The following CCNB2 variants were observed in gnomAD, a reference collection of about 807,000 sequenced individuals.
The protein encoded by CCNB2 is cyclin B2.
Under a neutral mutation model 51.1 loss-of-function variants are expected in CCNB2, and 39 were observed. That is an observed-to-expected ratio of 0.76 (90% confidence interval 0.59 to 1.00). The LOEUF is 1.00. CCNB2 is among the 50% of genes least tolerant of loss of function. The pLI is 0.00. For synonymous variants in CCNB2, 174 were observed against 165.5 expected, an observed-to-expected ratio of 1.05 and a Z score of -0.40; for missense variants, 472 against 470.3, an observed-to-expected ratio of 1.00 and a Z score of -0.03.
chr15:59,107,723 C>T (rs149018412), intron 3 of CCNB2, 53 bp downstream of exon 3: 3 of 1,393,158 alleles, frequency 2.2e-6, no homozygotes, highest in African/African-American at 2.8e-5. Flanking sequence ...TGTTTTTAGC[C>T]AGACTACAAG....
At chr15:59,118,433 A>G (rs912946362) in intron 7 of CCNB2, among the ~76,000 whole-genome samples, 5 of 152,226 alleles carry the variant, frequency 3.3e-5, no homozygotes, top group South Asian at 2.1e-4. Flanking sequence ...CAGTAATCCC[A>G]GCACTTTGGG....
rs1162917277 is a variant in CCNB2, at chr15:59,122,241, C to CTTTTTTTTTTTTTTTTTTT, written c.976-1269_976-1251dup. ...TCTTAAATAAAGTCAGTTGACATATCTTTTTTTTTTTTTTTTTTTTTTTTT... is the reference window on the plus strand; with the variant it reads ...TCTTAAATAAAGTCAGTTGACATATCTTTTTTTTTTTTTTTTTTTTTTTTTTTTTTTTTTTTTTTTTTTT... On this transcript the variant is annotated intron_variant, in intron 7 of 8. Coordinates refer to ENST00000288207, the MANE Select transcript of CCNB2 (RefSeq NM_004701.4). 2.2e-4 allele frequency among the ~76,000 whole-genome samples: 16 copies of CTTTTTTTTTTTTTTTTTTT among 72,992 alleles called. 4 individuals are homozygous for CTTTTTTTTTTTTTTTTTTT. The highest frequency in any genetic ancestry group is 5.4e-4 in the East Asian group (1 of 1,864). The allele number at this position is 72,992 out of a possible 152,430, so 47.9% of individuals were successfully genotyped here. A position where few individuals can be genotyped will look rare whatever the true frequency, so the allele number is the denominator to read the frequency against.
chr15:59,124,027 G>C (rs2079314731), intron 8 of CCNB2: 1 of 172,100 alleles, frequency 5.8e-6, no homozygotes, highest in Non-Finnish European at 1.3e-5. Flanking sequence ...TGCGTATTCA[G>C]GTGATGTTAC....
chr15:59,123,689 TGGGC>T, intron 8 of CCNB2, 62 bp downstream of exon 8: 1 of 458,328 alleles, frequency 2.2e-6, no homozygotes, highest in Non-Finnish European at 3.8e-6. Context: ...GTGTGTATGT[TGGGC>T]GGGGGGGGGC....
rs777444620 is a variant in CCNB2 at position 59,124,914 on chromosome 15, C to A, written c.*37C>A. 2 of 1,277,188 alleles carry A rather than the reference C, an allele frequency of 1.6e-6. No individual in the cohort carries two copies. The highest frequency in any genetic ancestry group is 2.2e-6 in the Non-Finnish European group (2 of 923,510). 79.1% of individuals were successfully genotyped at this position (1,277,188 alleles called of 1,614,324 possible). ...CCCTGGGGATGTGTGCTTCATTGTG[C>A]CCTTTTTCTTATTGGTTTAGAACTC... On this transcript the variant is annotated 3_prime_UTR_variant, in exon 9 of 9. Coordinates refer to ENST00000288207, the MANE Select transcript of CCNB2 (RefSeq NM_004701.4).
chr15:59,114,760 A>G lies in CCNB2; in HGVS notation c.481A>G (p.Ile161Val), dbSNP rs148986291. The G allele has an allele frequency of 1.6e-4, 256 of 1,613,994 alleles. No individual in the cohort carries two copies. Among genetic ancestry groups the G allele is most frequent in the Non-Finnish European group, 1.9e-4 (223 of 1,179,960 alleles). The change falls in exon 5 of 9, where the codon ATA becomes GTA. Residue 161 changes from isoleucine to valine, a missense_variant. Coordinates refer to ENST00000288207, the MANE Select transcript of CCNB2 (RefSeq NM_004701.4). ...CCCACATTTCTTAGATGGAAGAGAT[A>G]TAAATGGACGCATGCGTGCCATCCT... ...INPHFLDGRDINGRMRAILVD... is the reference protein window; with the variant it reads ...INPHFLDGRDVNGRMRAILVD...
chr15:59,115,149 T>C (rs1220243512), intron 5 of CCNB2, among the ~76,000 whole-genome samples: 2 of 152,158 alleles, frequency 1.3e-5, no homozygotes, highest in South Asian at 2.1e-4. Context: ...AGAGGAAATA[T>C]ACCATCAGTT....
In CCNB2 at chr15:59,116,674, A is replaced by C. The variant is rs146994389; in HGVS notation, c.598-16A>C. On this transcript the variant is annotated splice_polypyrimidine_tract_variant and intron_variant, in intron 5 of 8. Transcript: ENST00000288207. The stretch of plus-strand genomic sequence containing the variant: ...TCTTGTTAGGTGTGACTTTTGTTAC[A>C]TTAATTTTCCATTAGGTTCAGCCAG... 6.3e-7 allele frequency: 1 copy of C among 1,575,788 alleles called. No homozygotes were observed. The highest frequency in any genetic ancestry group is 8.7e-7 in the Non-Finnish European group (1 of 1,148,498).
intron 8 of CCNB2, 191 bp from the exon 9 acceptor site, chr15:59,124,576 T>C: frequency 1.2e-5 from 7 of 586,068 alleles, no homozygotes; most frequent in South Asian, 1.2e-4. Flanking sequence ...TGTGTTTTAT[T>C]CATTAATGGG....
Position 59,117,315 on chromosome 15 carries a change from GT to G in CCNB2, c.923del (p.Val308GlufsTer13), listed in dbSNP as rs2079283292. 6.2e-7 allele frequency: 1 copy of G among 1,613,958 alleles called. No homozygotes were observed. The highest frequency in any genetic ancestry group is 2.2e-5 in the East Asian group (1 of 44,886). Reference sequence around the variant, plus strand: ...TATGGTGCATTATCATCCTTCTAAGGTAGCAGCAGCTGCTTCCTGCTTGTCT... The same window carrying G: ...TATGGTGCATTATCATCCTTCTAAGGAGCAGCAGCTGCTTCCTGCTTGTCT... ...YDMVHYHPSK[V>X]AAAASCLSQK... On this transcript the variant is annotated frameshift_variant, in exon 7 of 9. Transcript: ENST00000288207. LOFTEE classifies it high-confidence loss of function.
At chr15:59,107,118 G>C (rs1164667134) in intron 1 of CCNB2, among the ~76,000 whole-genome samples, 1 of 152,168 alleles carries the variant, frequency 6.6e-6, no homozygotes, top group Non-Finnish European at 1.5e-5. Context: ...TACGGATAAA[G>C]TAGATGGGTG....
At chr15:59,110,638 A>G (rs1314017692) in intron 3 of CCNB2, among the ~76,000 whole-genome samples, 1 of 152,226 alleles carries the variant, frequency 6.6e-6, no homozygotes. Flanking sequence ...TGTCCATGAT[A>G]GGAGATGTTC....
chr15:59,113,205 C>T (rs2079265099), intron 3 of CCNB2, among the ~76,000 whole-genome samples: 1 of 152,116 alleles, frequency 6.6e-6, no homozygotes, highest in Non-Finnish European at 1.5e-5. Context: ...CTCCCTTCTC[C>T]TATTTTATTT....
intron 7 of CCNB2, among the ~76,000 whole-genome samples, chr15:59,122,015 G>C (rs1010500599): frequency 6.7e-6 from 1 of 149,598 alleles, no homozygotes; most frequent in African/African-American, 2.5e-5. Flanking sequence ...CTACTAGGGA[G>C]GTTGAGGTGG....
Position 59,117,280 on chromosome 15 carries a change from T to A in CCNB2, c.887T>A (p.Ile296Asn), listed in dbSNP as rs763357025. The stretch of plus-strand genomic sequence containing the variant: ...AAGTATTTGATGGAGCTGACTCTCA[T>A]CGACTATGATATGGTGCATTATCAT... ...LAKYLMELTLIDYDMVHYHPS... is the reference protein window; with the variant it reads ...LAKYLMELTLNDYDMVHYHPS... The change falls in exon 7 of 9, where the codon ATC becomes AAC. Residue 296 changes from isoleucine to asparagine, a missense_variant. Coordinates refer to ENST00000288207, the MANE Select transcript of CCNB2 (RefSeq NM_004701.4). 1 of 1,613,560 alleles carries A rather than the reference T, an allele frequency of 6.2e-7. No individual in the cohort carries two copies. Among genetic ancestry groups the A allele is most frequent in the African/African-American group, 1.3e-5 (1 of 74,920 alleles).
intron 5 of CCNB2, among the ~76,000 whole-genome samples, 198 bp from the exon 6 acceptor site, chr15:59,116,492 T>A (rs1342969540): frequency 1.9e-5 from 2 of 108,048 alleles, no homozygotes; most frequent in Admixed American, 2.1e-4. Context: ...TATGTTAGAA[T>A]CTTAGCACTG....
At chr15:59,113,855 A>T (rs1442579758) in intron 3 of CCNB2, among the ~76,000 whole-genome samples, 1 of 152,112 alleles carries the variant, frequency 6.6e-6, no homozygotes, top group East Asian at 1.9e-4. Flanking sequence ...GCGCACCATC[A>T]CGCCCAGCTA....
intron 7 of CCNB2, chr15:59,121,525 A>G (rs1174219342): frequency 1.3e-5 from 2 of 152,202 alleles, no homozygotes; most frequent in Admixed American, 1.3e-4. Flanking sequence ...GACTGGGCAC[A>G]GTGGCTCACA....
At chr15:59,112,447 C>T (rs907892304) in intron 3 of CCNB2, among the ~76,000 whole-genome samples, 5 of 151,570 alleles carry the variant, frequency 3.3e-5, no homozygotes, top group East Asian at 2.0e-4. Flanking sequence ...CAGGTTCAAA[C>T]GATTCTCCTG....
Sources: gnomAD v4.1 joint callset for allele counts (sites outside exome capture counted in the v4.1 genomes callset) on GRCh38, gnomAD v4.1.1 for gene constraint, MANE v1.5 for transcripts, NCBI Gene and HGNC (gene_info 2026-07-23, HGNC 2026-07-21) for gene names.